DROSHA: variants seen among roughly 807,000 people sequenced by gnomAD.
DROSHA encodes the protein ribonuclease 3.
In DROSHA, 56 loss-of-function variants were observed where a neutral mutation model predicts 181.9. That is an observed-to-expected ratio of 0.31 (90% CI 0.25 to 0.38). The LOEUF is 0.38. DROSHA is among the 10% of genes least tolerant of loss of function. DROSHA has a pLI of 1.00. For synonymous variants in DROSHA, 524 were observed against 591.2 expected (o/e 0.89, Z 1.65); for missense variants, 1,218 against 1,743.5 (o/e 0.70, Z 5.37).
intron 33 of DROSHA, among the ~76,000 whole-genome samples, chr5:31,407,325 C>T (rs887920846): frequency 1.3e-5 from 2 of 152,128 alleles, no homozygotes; most frequent in African/African-American, 2.4e-5. Context: ...TAATCACAGC[C>T]TAAAACAATA....
intron 20 of DROSHA, among the ~76,000 whole-genome samples, chr5:31,463,331 A>G (rs564440972): frequency 6.6e-6 from 1 of 152,292 alleles, no homozygotes; most frequent in East Asian, 1.9e-4. Flanking sequence ...ATACTTTTAA[A>G]CCCTGCTAGT....
At chr5:31,458,923 G>GAACT (rs1561194878) in intron 20 of DROSHA, among the ~76,000 whole-genome samples, 1 of 152,156 alleles carries the variant, frequency 6.6e-6, no homozygotes, top group African/African-American at 2.4e-5. Context: ...TACACTGTAG[G>GAACT]AACTCTACAG....
At position 31,495,266 on chromosome 5, in the gene DROSHA, G is replaced by A. The variant is rs1366903939; in HGVS notation, c.1755+20C>T. On this transcript the variant is annotated intron_variant, in intron 12 of 35. Transcript: ENST00000344624. ...TATTTACATTTTAAATGATATGCAT[G>A]TGATTCTTTAGAAACTTACTAAAAA... 5.6e-6 allele frequency: 9 copies of A among 1,608,716 alleles called. No individual in the cohort carries two copies. The highest frequency in any genetic ancestry group is 7.7e-6 in the Non-Finnish European group (9 of 1,176,046).
intron 23 of DROSHA, among the ~76,000 whole-genome samples, chr5:31,446,446 C>CAAAAAAAAAAAAAAA (rs60001713): frequency 5.6e-4 from 33 of 59,344 alleles, no homozygotes; most frequent in South Asian, 7.9e-4. Context: ...GACTCTGTCT[C>CAAAAAAAAAAAAAAA]AAAAAAAAAA....
At chr5:31,501,791 G>A (rs988455941) in intron 11 of DROSHA, among the ~76,000 whole-genome samples, 1 of 152,176 alleles carries the variant, frequency 6.6e-6, no homozygotes, top group African/African-American at 2.4e-5. Context: ...GACATTTATA[G>A]TTATAGTTTT....
intron 25 of DROSHA, among the ~76,000 whole-genome samples, chr5:31,432,789 C>A (rs1744333606): frequency 6.6e-6 from 1 of 152,160 alleles, no homozygotes; most frequent in African/African-American, 2.4e-5. Context: ...CTATCTTACT[C>A]ATAGTTTTCC....
chr5:31,463,846 AAAC>A (rs1475569509), intron 20 of DROSHA, among the ~76,000 whole-genome samples: 1 of 152,202 alleles, frequency 6.6e-6, no homozygotes, highest in Non-Finnish European at 1.5e-5. Context: ...TCAGTCTAGA[AAAC>A]ATACACTTTA....
intron 6 of DROSHA, 59 bp from the exon 7 acceptor site, chr5:31,515,623 C>T (rs1213151693): frequency 6.5e-7 from 1 of 1,544,306 alleles, no homozygotes; most frequent in Non-Finnish European, 8.7e-7. Flanking sequence ...ACAATTTCAG[C>T]AATGAGAATA....
At chr5:31,431,441 T>A in intron 26 of DROSHA, 135 bp downstream of exon 26, 1 of 630,402 alleles carries the variant, frequency 1.6e-6, no homozygotes, top group Admixed American at 3.0e-5. Flanking sequence ...TATAAGGTGG[T>A]AGGTGTCGTC....
At chr5:31,482,609 C>T (rs141399765) in intron 16 of DROSHA, among the ~76,000 whole-genome samples, 1 of 152,140 alleles carries the variant, frequency 6.6e-6, no homozygotes, top group East Asian at 1.9e-4. Flanking sequence ...AATTATATAG[C>T]TCAGGGTAGA....
rs1740527729 is a variant in DROSHA, at chr5:31,526,156, TCTC to T, written c.774_776del (p.Arg260del). 1.9e-6 allele frequency: 3 copies of T among 1,613,832 alleles called. No individual in the cohort carries two copies. Among genetic ancestry groups the T allele is most frequent in the South Asian group, 1.1e-5 (1 of 91,062 alleles). On this transcript the variant is annotated inframe_deletion, in exon 5 of 36. Coordinates refer to ENST00000344624, the MANE Select transcript of DROSHA (RefSeq NM_001382508.1). Reference sequence around the variant, plus strand: ...CAGATCTGTACCGGCTGTCTTGTCTTCTCCTGTCGGGACTGCGGCCTCGCTCCC... The same window carrying T: ...CAGATCTGTACCGGCTGTCTTGTCTTCTGTCGGGACTGCGGCCTCGCTCCC...
chr5:31,427,132 G>C (rs184882024), intron 27 of DROSHA, among the ~76,000 whole-genome samples: 2 of 152,256 alleles, frequency 1.3e-5, no homozygotes, highest in African/African-American at 4.8e-5. Context: ...GGTGCCCAGA[G>C]GCAACTTGAA....
chr5:31,472,989 C>T (rs886067210), intron 16 of DROSHA, among the ~76,000 whole-genome samples: 1 of 152,190 alleles, frequency 6.6e-6, no homozygotes, highest in African/African-American at 2.4e-5. Flanking sequence ...CAGGCTTCTG[C>T]CTTCTCTTTG....
At chr5:31,432,124 T>C (rs948629394) in intron 25 of DROSHA, among the ~76,000 whole-genome samples, 4 of 151,566 alleles carry the variant, frequency 2.6e-5, no homozygotes, top group Admixed American at 6.6e-5. Flanking sequence ...GTCAGCACCA[T>C]ACAAAACAGA....
rs183131510 is a variant in DROSHA at position 31,447,774 on chromosome 5, A to G, written c.2882+773T>C. 9.8e-5 allele frequency among the ~76,000 whole-genome samples: 15 copies of G among 152,332 alleles called. No homozygotes were observed. In the East Asian group the frequency reaches 2.7e-3, roughly 27 times the overall value. On this transcript the variant is annotated intron_variant, in intron 23 of 35. Coordinates refer to ENST00000344624, the MANE Select transcript of DROSHA (RefSeq NM_001382508.1). ...TGCTCAATTTCATGAGCCCTGAGGG[A>G]AAGGCAAATCAAAACCATAATGAGA... is the stretch of plus-strand genomic sequence containing the variant.
intron 9 of DROSHA, 34 bp from the exon 10 acceptor site, chr5:31,508,809 A>G: frequency 1.3e-6 from 2 of 1,572,780 alleles, no homozygotes; most frequent in Admixed American, 1.9e-5. Flanking sequence ...ACAGAAATTG[A>G]TGGAATTAAC....
intron 11 of DROSHA, among the ~76,000 whole-genome samples, 198 bp from the exon 12 acceptor site, chr5:31,495,570 C>G (rs368221353): frequency 2.0e-5 from 3 of 152,212 alleles, no homozygotes; most frequent in African/African-American, 4.8e-5. Flanking sequence ...AGCTCTCAGC[C>G]GCTTCCTCAG....
chr5:31,402,979 C>T (rs111469766), intron 35 of DROSHA, among the ~76,000 whole-genome samples: 4,160 of 152,202 alleles, frequency 0.027, 181 homozygotes, highest in East Asian at 0.21. Context: ...GATGGGGTTT[C>T]GCCATGCTGG....
intron 29 of DROSHA, 82 bp from the exon 30 acceptor site, chr5:31,421,459 A>G: frequency 8.8e-7 from 1 of 1,138,770 alleles, no homozygotes; most frequent in South Asian, 1.3e-5. Context: ...TAAAAAAGGA[A>G]TGACTTAAAA....
Sources: allele counts gnomAD v4.1 joint callset (sites outside exome capture counted in the v4.1 genomes callset), GRCh38; gene constraint gnomAD v4.1.1; transcripts MANE v1.5; gene names NCBI Gene and HGNC (gene_info 2026-07-23, HGNC 2026-07-21).